The following PRR16 variants were observed in gnomAD, a reference collection of about 807,000 sequenced individuals.
PRR16 encodes the protein proline rich 16.
Under a neutral mutation model 18.2 loss-of-function variants are expected in PRR16, and 6 were observed. The observed-to-expected ratio is 0.33, with a 90% CI of 0.18 to 0.65. PRR16 has a LOEUF of 0.65. Ranked by LOEUF, PRR16 falls within the 30% of genes least tolerant of loss-of-function variation. PRR16 has a pLI of 0.74. For missense variants in PRR16, 412 were observed against 376.6 expected (o/e 1.09, Z -0.78); for synonymous variants, 151 against 147.8 (o/e 1.02, Z -0.16).
chr5:120,568,782 A>G (rs1163496427), intron 1 of PRR16, among the ~76,000 whole-genome samples: 1 of 152,136 alleles, frequency 6.6e-6, no homozygotes, highest in Non-Finnish European at 1.5e-5. Context: ...CAGGATTTAG[A>G]CATTAATTGT....
chr5:120,534,450 A>T (rs1751650213), intron 1 of PRR16, among the ~76,000 whole-genome samples: 2 of 152,176 alleles, frequency 1.3e-5, no homozygotes, highest in Non-Finnish European at 2.9e-5. Context: ...CTCATGTTAG[A>T]CTTAAGTCTA....
chr5:120,780,882 G>A, the PRR16 span, among the ~76,000 whole-genome samples: 1 of 151,872 alleles, frequency 6.6e-6, no homozygotes, highest in Non-Finnish European at 1.5e-5. Flanking sequence ...AAACCCCATC[G>A]CTACTAAAAA....
chr5:120,686,654 C>T lies in PRR16; in HGVS notation c.860C>T (p.Thr287Ile). 2 of 1,589,512 alleles carry T rather than the reference C, an allele frequency of 1.3e-6. No homozygotes were observed. The highest frequency in any genetic ancestry group is 1.7e-6 in the Non-Finnish European group (2 of 1,165,788). Residue 287 changes from threonine to isoleucine, a missense_variant, in exon 2 of 2, where the codon ACT becomes ATT. Coordinates refer to ENST00000407149, the MANE Select transcript of PRR16 (RefSeq NM_001300783.2). ...AGACCTGCAACTGTGCCTCCTCCCA[C>T]TGCACCAAAACCACAGAAGACGATC... Reference protein sequence around the residue: ...PIRPATVPPPTAPKPQKTILR... With the variant: ...PIRPATVPPPIAPKPQKTILR...
At chr5:120,674,154 G>A (rs1205444546) in intron 1 of PRR16, among the ~76,000 whole-genome samples, 3 of 152,014 alleles carry the variant, frequency 2.0e-5, no homozygotes, top group Non-Finnish European at 4.4e-5. Flanking sequence ...TGCCATGTGT[G>A]GTACTGATAT....
At chr5:120,650,583 G>T (rs150654495) in intron 1 of PRR16, among the ~76,000 whole-genome samples, 2 of 150,632 alleles carry the variant, frequency 1.3e-5, no homozygotes, top group African/African-American at 4.9e-5. Context: ...GTGTTGTTTG[G>T]TTTTTTGTCC....
intron 1 of PRR16, among the ~76,000 whole-genome samples, chr5:120,502,787 G>T (rs1482360539): frequency 1.3e-5 from 2 of 152,274 alleles, no homozygotes; most frequent in Admixed American, 1.3e-4. Context: ...ATGAGTAATA[G>T]ACTGTCTCAT....
chr5:120,790,196 C>T, the PRR16 span: 1 of 152,070 alleles, frequency 6.6e-6, no homozygotes, highest in African/African-American at 2.4e-5. Flanking sequence ...AAGCCACAGC[C>T]TTAAATCTCT....
At chr5:120,669,889 A>G (rs1756537210) in intron 1 of PRR16, among the ~76,000 whole-genome samples, 1 of 151,878 alleles carries the variant, frequency 6.6e-6, no homozygotes, top group Non-Finnish European at 1.5e-5. Context: ...GGGGGCTTTG[A>G]TTTTTTTTAA....
chr5:120,472,966 T>G, intron 1 of PRR16, among the ~76,000 whole-genome samples: 1 of 152,196 alleles, frequency 6.6e-6, no homozygotes, highest in Admixed American at 6.5e-5. Context: ...TAAAACTGAT[T>G]GCAGATCAGC....
At chr5:120,690,751 G>A (rs1288104996), downstream of PRR16, among the ~76,000 whole-genome samples, 1 of 152,098 alleles carries the variant, frequency 6.6e-6, no homozygotes, top group Non-Finnish European at 1.5e-5. Flanking sequence ...TGCAATTCGG[G>A]CACACAGTAG....
At chr5:120,591,145 G>T (rs557726236) in intron 1 of PRR16, among the ~76,000 whole-genome samples, 1 of 152,060 alleles carries the variant, frequency 6.6e-6, no homozygotes, top group African/African-American at 2.4e-5. Flanking sequence ...CGGGTGTGGT[G>T]GTGGGCGCCT....
chr5:120,691,161 G>A (rs140697253), downstream of PRR16, among the ~76,000 whole-genome samples: 1,446 of 152,258 alleles, frequency 9.5e-3, 17 homozygotes, highest in African/African-American at 0.033. Flanking sequence ...CCCTTGGTAA[G>A]TGTTGGGCTG....
chr5:120,552,579 G>C (rs1246831861), intron 1 of PRR16, among the ~76,000 whole-genome samples: 1 of 151,946 alleles, frequency 6.6e-6, no homozygotes, highest in Admixed American at 6.6e-5. Flanking sequence ...AACTGACGTA[G>C]TTGTTTGTTT....
chr5:120,605,385 G>T (rs1398591813), intron 1 of PRR16, among the ~76,000 whole-genome samples: 1 of 151,974 alleles, frequency 6.6e-6, no homozygotes, highest in Non-Finnish European at 1.5e-5. Flanking sequence ...GTTCAGTTTG[G>T]TTCTTTCTTA....
the PRR16 span, among the ~76,000 whole-genome samples, chr5:120,735,284 C>T: frequency 2.0e-5 from 3 of 152,110 alleles, 1 homozygote; most frequent in African/African-American, 7.2e-5. Context: ...TGTGTTGCTT[C>T]CACCTCTTGG....
the PRR16 span, among the ~76,000 whole-genome samples, chr5:120,771,650 T>C: frequency 6.6e-6 from 1 of 151,788 alleles, no homozygotes; most frequent in Non-Finnish European, 1.5e-5. Context: ...ATGTCAAGAG[T>C]GGTGAATGAG....
At chr5:120,538,801 T>C (rs950369504) in intron 1 of PRR16, among the ~76,000 whole-genome samples, 2 of 152,340 alleles carry the variant, frequency 1.3e-5, no homozygotes, top group Non-Finnish European at 2.9e-5. Context: ...ATTACCTCAC[T>C]GCTCTCTTTC....
chr5:120,535,731 C>T (rs1231701076), intron 1 of PRR16, among the ~76,000 whole-genome samples: 3 of 151,844 alleles, frequency 2.0e-5, no homozygotes, highest in Non-Finnish European at 2.9e-5. Flanking sequence ...GTCTGGGAGG[C>T]GGAGGTTGCA....
intron 1 of PRR16, among the ~76,000 whole-genome samples, chr5:120,673,580 A>G (rs1209823177): frequency 6.6e-6 from 1 of 152,210 alleles, no homozygotes; most frequent in Non-Finnish European, 1.5e-5. Flanking sequence ...GTGGAATTTT[A>G]TATTTAGATA....
Sources: gnomAD v4.1 joint callset for allele counts (sites outside exome capture counted in the v4.1 genomes callset) on GRCh38, gnomAD v4.1.1 for gene constraint, MANE v1.5 for transcripts, NCBI Gene and HGNC (gene_info 2026-07-23, HGNC 2026-07-21) for gene names.